Variants in C1orf21 observed in about 807,000 individuals in gnomAD.
C1orf21 encodes the protein chromosome 1 open reading frame 21.
Under a neutral mutation model 18.7 loss-of-function variants are expected in C1orf21, and 3 were observed. The observed-to-expected ratio is 0.16, with a 90% CI of 0.07 to 0.42. The LOEUF (loss-of-function observed/expected upper bound fraction) is 0.42. Ranked by LOEUF, C1orf21 falls within the 10% of genes least tolerant of loss-of-function variation. The pLI is 0.99. For missense variants in C1orf21, 104 were observed against 143.6 expected, an observed-to-expected ratio of 0.72 and a Z score of 1.41; for synonymous variants, 41 against 46.4, an observed-to-expected ratio of 0.88 and a Z score of 0.47.
At chr1:184,608,968 C>T (rs191052120) in intron 5 of C1orf21, among the ~76,000 whole-genome samples, 57 of 152,256 alleles carry the variant, frequency 3.7e-4, no homozygotes, top group Non-Finnish European at 6.8e-4. Context: ...GAAAGAGGGC[C>T]CTCCCATCAA....
intron 1 of C1orf21, among the ~76,000 whole-genome samples, chr1:184,452,900 T>A (rs767072911): frequency 1.3e-5 from 2 of 152,128 alleles, no homozygotes; most frequent in African/African-American, 4.8e-5. Context: ...CTTTGTTTCA[T>A]CTCTATTGTT....
chr1:184,574,809 G>T (rs977318115), intron 3 of C1orf21, among the ~76,000 whole-genome samples: 8 of 152,178 alleles, frequency 5.3e-5, no homozygotes, highest in African/African-American at 1.9e-4. Context: ...AGCAGCAGGG[G>T]ATGTGGCTCA....
chr1:184,401,149 A>G (rs1656143896), intron 1 of C1orf21, among the ~76,000 whole-genome samples: 1 of 152,046 alleles, frequency 6.6e-6, no homozygotes, highest in African/African-American at 2.4e-5. Context: ...TTCTTTTTCT[A>G]TGAACAGTTT....
chr1:184,523,220 A>G (rs567771007), intron 3 of C1orf21, among the ~76,000 whole-genome samples: 3 of 152,308 alleles, frequency 2.0e-5, no homozygotes, highest in Non-Finnish European at 2.9e-5. Flanking sequence ...TTAGGAAAAA[A>G]TGAGAACTTT....
At chr1:184,527,569 G>A (rs1658395901) in intron 3 of C1orf21, among the ~76,000 whole-genome samples, 1 of 152,186 alleles carries the variant, frequency 6.6e-6, no homozygotes. Flanking sequence ...TGTCCACCCA[G>A]AACTGTCCCA....
intron 1 of C1orf21, among the ~76,000 whole-genome samples, chr1:184,474,054 A>G (rs1657534679): frequency 6.6e-6 from 1 of 152,212 alleles, no homozygotes; most frequent in African/African-American, 2.4e-5. Context: ...TCAGTGATCT[A>G]TGATTAACTT....
chr1:184,500,984 C>T (rs1466401427), intron 2 of C1orf21, among the ~76,000 whole-genome samples: 3 of 152,216 alleles, frequency 2.0e-5, no homozygotes, highest in Non-Finnish European at 4.4e-5. Context: ...ATGTGTTCTT[C>T]CTCACCTGCC....
At chr1:184,440,808 A>G (rs1262601916) in intron 1 of C1orf21, among the ~76,000 whole-genome samples, 3 of 152,120 alleles carry the variant, frequency 2.0e-5, no homozygotes, top group Admixed American at 6.6e-5. Flanking sequence ...GATTAGGAAA[A>G]CCTGGCTTAC....
At chr1:184,553,558 G>A (rs951210885) in intron 3 of C1orf21, among the ~76,000 whole-genome samples, 2 of 152,134 alleles carry the variant, frequency 1.3e-5, no homozygotes, top group Admixed American at 1.3e-4. Flanking sequence ...GGCTCTTTGG[G>A]CACCGTTTGT....
chr1:184,537,456 T>C (rs1658574988), intron 3 of C1orf21, among the ~76,000 whole-genome samples: 1 of 152,216 alleles, frequency 6.6e-6, no homozygotes, highest in South Asian at 2.1e-4. Context: ...TGTCGTATCC[T>C]GTATCAAAAT....
intron 1 of C1orf21, among the ~76,000 whole-genome samples, chr1:184,395,240 G>A (rs1254780812): frequency 3.3e-5 from 5 of 151,740 alleles, no homozygotes; most frequent in Non-Finnish European, 7.4e-5. Context: ...GTGCCCACTG[G>A]GCCTTAAAAG....
chr1:184,432,638 C>G (rs764860977), intron 1 of C1orf21, among the ~76,000 whole-genome samples: 51 of 151,664 alleles, frequency 3.4e-4, no homozygotes, highest in Non-Finnish European at 6.2e-4. Context: ...TGCACGTTCT[C>G]CACATGTATC....
chr1:184,619,614 T>C lies in C1orf21; in HGVS notation c.*58T>C. 6.5e-7 allele frequency: 1 copy of C among 1,532,254 alleles called. No homozygotes were observed. The highest frequency in any genetic ancestry group is 2.3e-5 in the East Asian group (1 of 44,148). 94.9% of individuals were successfully genotyped at this position (1,532,254 alleles called of 1,614,324 possible). A position where few individuals can be genotyped will look rare whatever the true frequency, so the allele number is the denominator to read the frequency against. On this transcript the variant is annotated 3_prime_UTR_variant, in exon 6 of 6. Coordinates refer to ENST00000235307, the MANE Select transcript of C1orf21 (RefSeq NM_030806.4). ...ACTGTGTAAATAGGTTACACCCCAG[T>C]TGAAATCTTTGCAAAGGTCGGTTCT... is the stretch of plus-strand genomic sequence containing the variant.
chr1:184,486,287 G>A (rs2101994376), intron 2 of C1orf21, among the ~76,000 whole-genome samples: 1 of 152,330 alleles, frequency 6.6e-6, no homozygotes, highest in Middle Eastern at 3.4e-3. Flanking sequence ...GCATGGAATG[G>A]AGTAGTTGTG....
At chr1:184,507,820 G>GC in intron 3 of C1orf21, 138 bp downstream of exon 3, 3 of 660,622 alleles carry the variant, frequency 4.5e-6, no homozygotes, top group African/African-American at 1.9e-5. Context: ...AGCTTGCCTG[G>GC]AAGCTGCACC....
chr1:184,582,915 TGAAA>T (rs1164476632), intron 3 of C1orf21, among the ~76,000 whole-genome samples: 4 of 152,226 alleles, frequency 2.6e-5, no homozygotes, highest in Non-Finnish European at 1.5e-5. Flanking sequence ...CTCAGCTCAC[TGAAA>T]CCTCCATCTC....
chr1:184,423,883 A>T (rs566756141), intron 1 of C1orf21, among the ~76,000 whole-genome samples: 4 of 151,540 alleles, frequency 2.6e-5, no homozygotes, highest in African/African-American at 9.7e-5. Flanking sequence ...CCATCCATCC[A>T]TCCATCCATC....
intron 1 of C1orf21, among the ~76,000 whole-genome samples, chr1:184,447,106 G>C (rs1657046889): frequency 6.6e-6 from 1 of 152,072 alleles, no homozygotes; most frequent in Non-Finnish European, 1.5e-5. Context: ...TCTAATCACT[G>C]TAGAGGCTCT....
chr1:184,459,345 A>G (rs1325930838), intron 1 of C1orf21, among the ~76,000 whole-genome samples: 2 of 152,234 alleles, frequency 1.3e-5, no homozygotes, highest in East Asian at 1.9e-4. Context: ...ACACTTTTAG[A>G]ACAAAGAGTA....
Sources: allele counts gnomAD v4.1 joint callset (sites outside exome capture counted in the v4.1 genomes callset), GRCh38; gene constraint gnomAD v4.1.1; transcripts MANE v1.5; gene names NCBI Gene and HGNC (gene_info 2026-07-23, HGNC 2026-07-21).